The following CDKL3 variants were observed in gnomAD, a reference collection of about 807,000 sequenced individuals.
CDKL3 encodes cyclin dependent kinase like 3.
CDKL3 carries 65 observed loss-of-function variants against 69.3 expected under a neutral mutation model. The observed-to-expected ratio is 0.94, with a 90% CI of 0.77 to 1.15. The LOEUF (loss-of-function observed/expected upper bound fraction) is 1.15. Among genes scored for constraint, CDKL3 ranks in the 50% most tolerant of loss-of-function variants. The pLI, the probability that CDKL3 is intolerant of heterozygous loss-of-function variation, is 0.00. For missense variants in CDKL3, 652 were observed against 689.2 expected (o/e 0.95, Z 0.61); for synonymous variants, 202 against 221.6 (o/e 0.91, Z 0.79).
At chr5:134,364,504 T>TATAGA (rs892641569) in intron 2 of CDKL3, among the ~76,000 whole-genome samples, 8 of 152,272 alleles carry the variant, frequency 5.3e-5, no homozygotes, top group Non-Finnish European at 8.8e-5. Flanking sequence ...TATAGTCTTC[T>TATAGA]ACACTCTTTC....
intron 3 of CDKL3, among the ~76,000 whole-genome samples, chr5:134,351,299 T>C (rs1323831930): frequency 2.6e-5 from 4 of 152,206 alleles, no homozygotes; most frequent in Non-Finnish European, 5.9e-5. Context: ...CAATCTCACG[T>C]ACTCTCTTTT....
rs1226068915 is a variant in CDKL3, at chr5:134,367,100, A to G, written c.-145T>C. The G allele has an allele frequency of 1.0e-6, 1 of 986,094 alleles. No homozygotes were observed. Among genetic ancestry groups the G allele is most frequent in the Non-Finnish European group, 1.2e-6 (1 of 830,478 alleles). The allele number at this position is 986,094 out of a possible 1,614,324, so 61.1% of individuals were successfully genotyped here. A position where few individuals can be genotyped will look rare whatever the true frequency, so the allele number is the denominator to read the frequency against. ...AGTGGAGCCACCGAACACTGATACTACTTTGTTGCTCAGCCCCGCAAGGAA... is the reference window on the plus strand; with the variant it reads ...AGTGGAGCCACCGAACACTGATACTGCTTTGTTGCTCAGCCCCGCAAGGAA... On this transcript the variant is annotated 5_prime_UTR_variant, in exon 1 of 13. Coordinates refer to ENST00000265334, the MANE Select transcript of CDKL3 (RefSeq NM_001113575.2).
At chr5:134,367,626 G>A (rs186483435), upstream of CDKL3, among the ~76,000 whole-genome samples, 99 of 151,894 alleles carry the variant, frequency 6.5e-4, 1 homozygote, top group African/African-American at 2.0e-3. Context: ...CGCCTGCCTC[G>A]GCCTCCCAAA....
chr5:134,298,388 T>A, downstream of CDKL3: 1 of 1,240,416 alleles, frequency 8.1e-7, no homozygotes. Flanking sequence ...TCACGGCTTG[T>A]GTTATCCACT....
Position 134,354,776 on chromosome 5 carries a change from G to A in CDKL3, c.361-4349C>T, listed in dbSNP as rs140294819. Among the ~76,000 whole-genome samples the A allele has an allele frequency of 5.3e-3, 812 of 152,014 alleles. 4 individuals carry two copies. Among genetic ancestry groups the A allele is most frequent in the Admixed American group, 0.011 (172 of 15,264 alleles). ...ATCCTGGCCAACATGGTGAAACCCC[G>A]TCTCTACTAAAAATACAAAAATTAG... is the stretch of plus-strand genomic sequence containing the variant. On this transcript the variant is annotated intron_variant, in intron 3 of 12. Coordinates refer to ENST00000265334, the MANE Select transcript of CDKL3 (RefSeq NM_001113575.2).
At chr5:134,337,055 G>A (rs940326945) in intron 4 of CDKL3, among the ~76,000 whole-genome samples, 3 of 152,280 alleles carry the variant, frequency 2.0e-5, no homozygotes, top group Non-Finnish European at 1.5e-5. Flanking sequence ...CCTCAGAAAT[G>A]GCGGATGCCC....
intron 10 of CDKL3, among the ~76,000 whole-genome samples, chr5:134,304,889 C>T (rs1002449740): frequency 4.7e-5 from 7 of 150,356 alleles, no homozygotes; most frequent in African/African-American, 9.8e-5. Flanking sequence ...CTCATTGCAG[C>T]GTCAACCCCC....
chr5:134,309,200 A>G (rs1244445856), intron 7 of CDKL3, among the ~76,000 whole-genome samples: 19 of 152,110 alleles, frequency 1.2e-4, no homozygotes, highest in Admixed American at 1.2e-3. Flanking sequence ...ATTCTGCCTC[A>G]GCCTCCTGAG....
chr5:134,325,889 G>A lies in CDKL3; in HGVS notation c.540-3986C>T, dbSNP rs538273900. On this transcript the variant is annotated intron_variant, in intron 4 of 12. Transcript: ENST00000265334. ...TGCCATTCTCCTGCCTCAGCCTCCCGAGTAGCTGGGACTACAGGCGCCCAT... is the reference window on the plus strand; with the variant it reads ...TGCCATTCTCCTGCCTCAGCCTCCCAAGTAGCTGGGACTACAGGCGCCCAT... Among the ~76,000 whole-genome samples, 19 of 149,098 alleles carry A rather than the reference G, an allele frequency of 1.3e-4. No homozygotes were observed. In the South Asian group the frequency reaches 4.0e-3, roughly 32 times the overall value.
chr5:134,366,101 A>G (rs75309963), intron 2 of CDKL3, among the ~76,000 whole-genome samples: 6,855 of 152,342 alleles, frequency 0.045, 203 homozygotes, highest in Non-Finnish European at 0.07. Context: ...CCTTGCACAT[A>G]GCAGAAATTT....
At chr5:134,289,291 A>C (rs956711635) in intron 8 of CDKL3, among the ~76,000 whole-genome samples, 2 of 152,166 alleles carry the variant, frequency 1.3e-5, no homozygotes, top group Non-Finnish European at 2.9e-5. Context: ...GAAATTAAAG[A>C]AACCAATTTT....
chr5:134,325,729 A>C (rs1561559519), intron 4 of CDKL3, among the ~76,000 whole-genome samples: 1 of 151,646 alleles, frequency 6.6e-6, no homozygotes, highest in African/African-American at 2.4e-5. Flanking sequence ...TTTAAAAAAA[A>C]CTCTCAAGCT....
At chr5:134,363,977 A>AG (rs959811223) in intron 2 of CDKL3, among the ~76,000 whole-genome samples, 15 of 119,260 alleles carry the variant, frequency 1.3e-4, no homozygotes, top group African/African-American at 3.1e-4. Flanking sequence ...AAAAAAAAAA[A>AG]AGAGAGAGAA....
rs1489852744 is a variant in CDKL3, at chr5:134,353,639, G to C, written c.361-3212C>G. Among the ~76,000 whole-genome samples the C allele has an allele frequency of 2.7e-5, 4 of 150,690 alleles. No homozygotes were observed. In the Admixed American group the frequency reaches 2.7e-4, roughly 10 times the overall value. Reference sequence around the variant, plus strand: ...CAATCTCGGCTCACTGCAACCTCTGGCTCCCGGGTTCAAGCTATTCTCCTG... The same window carrying C: ...CAATCTCGGCTCACTGCAACCTCTGCCTCCCGGGTTCAAGCTATTCTCCTG... On this transcript the variant is annotated intron_variant, in intron 3 of 12. Coordinates refer to ENST00000265334, the MANE Select transcript of CDKL3 (RefSeq NM_001113575.2).
chr5:134,350,212 C>A (rs1406922460), intron 4 of CDKL3, 37 bp downstream of exon 4: 2 of 1,447,546 alleles, frequency 1.4e-6, no homozygotes, highest in Non-Finnish European at 9.2e-7. Flanking sequence ...AAAAGAGATA[C>A]CTAGGAAAGG....
intron 4 of CDKL3, among the ~76,000 whole-genome samples, chr5:134,331,217 G>C (rs960043442): frequency 6.6e-6 from 1 of 152,120 alleles, no homozygotes; most frequent in Non-Finnish European, 1.5e-5. Flanking sequence ...GCATGAACAA[G>C]ATAAATGTTT....
intron 6 of CDKL3, 166 bp downstream of exon 6, chr5:134,319,192 A>T (rs1772038936): frequency 4.3e-6 from 2 of 469,306 alleles, no homozygotes; most frequent in Non-Finnish European, 7.2e-6. Context: ...TTAGCCGGGC[A>T]TGGTGGCAGG....
intron 8 of CDKL3, among the ~76,000 whole-genome samples, chr5:134,287,291 C>T (rs1184415787): frequency 6.6e-6 from 1 of 152,184 alleles, no homozygotes; most frequent in Non-Finnish European, 1.5e-5. Context: ...GTTTTTATTA[C>T]TCTGGTGAAA....
chr5:134,366,446 A>T lies in CDKL3; in HGVS notation c.78T>A (p.Thr26=). 1.2e-6 allele frequency: 2 copies of T among 1,608,512 alleles called. No individual in the cohort carries two copies. Among genetic ancestry groups the T allele is most frequent in the Non-Finnish European group, 1.7e-6 (2 of 1,177,322 alleles). The change falls in exon 2 of 13, where the codon ACT becomes ACA. Residue 26 remains threonine, a synonymous_variant. Coordinates refer to ENST00000265334, the MANE Select transcript of CDKL3 (RefSeq NM_001113575.2). ...ATATCTTAATGGCCACTATCTGCCC[A>T]GTATTCTTATGTTTACATTTCATGA... ...GTVMKCKHKN[T]GQIVAIKIFY...
Sources: allele counts gnomAD v4.1 joint callset (sites outside exome capture counted in the v4.1 genomes callset), GRCh38; gene constraint gnomAD v4.1.1; transcripts MANE v1.5; gene names NCBI Gene and HGNC (gene_info 2026-07-23, HGNC 2026-07-21).